Variants in TBC1D14 observed in about 807,000 individuals in gnomAD.
TBC1D14 encodes TBC1 domain family, member 14.
A neutral mutation model predicts 79.0 loss-of-function variants in TBC1D14; 26 were observed. The observed-to-expected ratio is 0.33, with a 90% CI of 0.24 to 0.46. TBC1D14 has a LOEUF of 0.46. TBC1D14 is among the 20% of genes least tolerant of loss of function. The pLI, the probability that TBC1D14 is intolerant of heterozygous loss-of-function variation, is 1.00. For missense variants in TBC1D14, 769 were observed against 887.6 expected, an observed-to-expected ratio of 0.87 and a Z score of 1.70; for synonymous variants, 394 against 349.9, an observed-to-expected ratio of 1.13 and a Z score of -1.40.
intron 6 of TBC1D14, among the ~76,000 whole-genome samples, chr4:7,000,702 C>A (rs985490402): frequency 1.3e-5 from 2 of 152,200 alleles, no homozygotes; most frequent in African/African-American, 4.8e-5. Flanking sequence ...GTGCGATGGC[C>A]GTCTGCTGAC....
intron 1 of TBC1D14, among the ~76,000 whole-genome samples, chr4:6,917,700 C>A (rs1290825959): frequency 1.3e-5 from 2 of 152,202 alleles, no homozygotes; most frequent in East Asian, 1.9e-4. Flanking sequence ...CTTAGTTTGT[C>A]TTTTATAAAC....
At chr4:6,949,520 T>G (rs993158265) in intron 2 of TBC1D14, among the ~76,000 whole-genome samples, 4 of 152,034 alleles carry the variant, frequency 2.6e-5, no homozygotes, top group African/African-American at 7.2e-5. Flanking sequence ...CCATCTCTAT[T>G]AAAAATACAG....
At chr4:6,944,193 G>C (rs1052194574) in intron 2 of TBC1D14, among the ~76,000 whole-genome samples, 2 of 152,074 alleles carry the variant, frequency 1.3e-5, no homozygotes, top group Non-Finnish European at 2.9e-5. Flanking sequence ...TTTCCTTGCA[G>C]ACTTTGAATT....
chr4:7,016,473 G>C (rs1257433382), intron 12 of TBC1D14, among the ~76,000 whole-genome samples: 1 of 152,218 alleles, frequency 6.6e-6, no homozygotes, highest in Non-Finnish European at 1.5e-5. Context: ...AGGACGGGAG[G>C]GGATCCAGGC....
At chr4:7,019,493 G>A (rs1419234494) in intron 12 of TBC1D14, among the ~76,000 whole-genome samples, 2 of 152,212 alleles carry the variant, frequency 1.3e-5, no homozygotes, top group Non-Finnish European at 2.9e-5. Flanking sequence ...CTTAGGTTGG[G>A]TCTTTATGGG....
At chr4:7,027,508 C>T (rs994469004) in intron 13 of TBC1D14, among the ~76,000 whole-genome samples, 3 of 147,728 alleles carry the variant, frequency 2.0e-5, no homozygotes, top group African/African-American at 7.5e-5. Flanking sequence ...CCCTACACCT[C>T]ACACCCAGTC....
chr4:6,981,514 C>T (rs1577117478), intron 3 of TBC1D14, among the ~76,000 whole-genome samples: 1 of 152,318 alleles, frequency 6.6e-6, no homozygotes, highest in Middle Eastern at 3.4e-3. Context: ...GGAGTACGTA[C>T]TTCCTCACTC....
At chr4:7,007,699 C>G (rs1027583672) in intron 9 of TBC1D14, 6 of 934,516 alleles carry the variant, frequency 6.4e-6, no homozygotes, top group Admixed American at 5.1e-5. Flanking sequence ...TTTCCTGGAA[C>G]CCTGCTTCTC....
At chr4:6,928,074 G>A (rs1724426033) in intron 2 of TBC1D14, among the ~76,000 whole-genome samples, 1 of 152,228 alleles carries the variant, frequency 6.6e-6, no homozygotes, top group Admixed American at 6.5e-5. Flanking sequence ...TGGTCTGGAA[G>A]TTGAGAATTA....
At chr4:6,925,373 T>C (rs1724210772) in intron 2 of TBC1D14, among the ~76,000 whole-genome samples, 1 of 152,204 alleles carries the variant, frequency 6.6e-6, no homozygotes, top group Non-Finnish European at 1.5e-5. Flanking sequence ...CAGTTGACCC[T>C]GGCTGCCCCG....
At chr4:6,978,393 C>A (rs1717022980) in intron 3 of TBC1D14, among the ~76,000 whole-genome samples, 1 of 150,604 alleles carries the variant, frequency 6.6e-6, no homozygotes, top group South Asian at 2.1e-4. Context: ...TTGTTCTGTA[C>A]TAAGGAAAAT....
rs557047139 is a variant in TBC1D14, at chr4:7,003,430, A to AGC, written c.1271-1413_1271-1412dup. ...GGAAGTGCCACCAGGTGCATGAGGC[A>AGC]GCAGCTCAGAGCAGTGTGGGATTGT... On this transcript the variant is annotated intron_variant, in intron 7 of 13. Coordinates refer to ENST00000409757, the MANE Select transcript of TBC1D14 (RefSeq NM_020773.3). Among the ~76,000 whole-genome samples, 182 of 152,348 alleles carry AGC rather than the reference A, an allele frequency of 1.2e-3. 1 individual carries two copies. Among genetic ancestry groups the AGC allele is most frequent in the African/African-American group, 4.2e-3 (174 of 41,580 alleles).
chr4:6,991,190 A>G (rs1170399133), intron 3 of TBC1D14, among the ~76,000 whole-genome samples: 3 of 152,234 alleles, frequency 2.0e-5, no homozygotes, highest in Non-Finnish European at 4.4e-5. Context: ...TAAAACAAGC[A>G]TTTGACCCTG....
At chr4:7,028,172 G>GCACATA (rs1351588744) in intron 13 of TBC1D14, among the ~76,000 whole-genome samples, 32 of 151,564 alleles carry the variant, frequency 2.1e-4, no homozygotes, top group African/African-American at 7.8e-4. Context: ...CACCTCACAT[G>GCACATA]CACATACACA....
intron 2 of TBC1D14, among the ~76,000 whole-genome samples, chr4:6,944,016 G>A (rs193202407): frequency 3.4e-4 from 41 of 120,350 alleles, no homozygotes; most frequent in African/African-American, 1.1e-3. Context: ...CTGTGAAGCC[G>A]GCGCGTTCTG....
At position 7,010,639 on chromosome 4, in the gene TBC1D14, C is replaced by T; in HGVS notation, c.1519-14C>T. On this transcript the variant is annotated splice_polypyrimidine_tract_variant and intron_variant, in intron 10 of 13. Transcript: ENST00000409757. ...GCCACTGTGATTTTAACGTGCCTTT[C>T]TCTCCTCTCTCAGGTCCAGGGCATG... The T allele has an allele frequency of 1.2e-6, 2 of 1,608,334 alleles. No individual in the cohort carries two copies. The highest frequency in any genetic ancestry group is 2.2e-5 in the East Asian group (1 of 44,808).
rs1340239855 is a variant in TBC1D14, at chr4:7,006,541, C to T, written c.1352-91C>T. On this transcript the variant is annotated intron_variant, in intron 8 of 13. Transcript: ENST00000409757. ...AGTGTGCTTCTGAAAAACTTTTTTC[C>T]GTGTTTTGTTCTTGTAAAACTTCAA... 1.6e-5 allele frequency: 19 copies of T among 1,191,010 alleles called. No homozygotes were observed. In the Admixed American group the frequency reaches 2.0e-4, roughly 12 times the overall value. 73.8% of individuals were successfully genotyped at this position (1,191,010 alleles called of 1,614,324 possible). A position where few individuals can be genotyped will look rare whatever the true frequency, so the allele number is the denominator to read the frequency against.
At chr4:7,001,755 A>G (rs1719700026) in intron 7 of TBC1D14, among the ~76,000 whole-genome samples, 2 of 152,068 alleles carry the variant, frequency 1.3e-5, no homozygotes, top group African/African-American at 4.8e-5. Flanking sequence ...GCTGTATTGC[A>G]TCTACTCAGT....
chr4:6,952,837 T>G (rs56903115), intron 2 of TBC1D14, among the ~76,000 whole-genome samples: 22,660 of 151,700 alleles, frequency 0.15, 2,379 homozygotes, highest in African/African-American at 0.3. Flanking sequence ...CTAGTTTTTT[T>G]TTGTTGTTGT....
Sources: gnomAD v4.1 joint callset for allele counts (sites outside exome capture counted in the v4.1 genomes callset) on GRCh38, gnomAD v4.1.1 for gene constraint, MANE v1.5 for transcripts, NCBI Gene and HGNC (gene_info 2026-07-23, HGNC 2026-07-21) for gene names.